Variants in IL1RAPL1 observed in about 807,000 individuals in gnomAD.
The protein encoded by IL1RAPL1 is interleukin-1 receptor accessory protein-like 1.
Under a neutral mutation model 48.4 loss-of-function variants are expected in IL1RAPL1, and 3 were observed. The ratio of observed to expected loss-of-function variants is 0.06; its 90% CI spans 0.03 to 0.16. The LOEUF (loss-of-function observed/expected upper bound fraction) is 0.16. IL1RAPL1 is among the 10% of genes least tolerant of loss of function. The pLI, the probability that IL1RAPL1 is intolerant of heterozygous loss-of-function variation, is 1.00. For synonymous variants in IL1RAPL1, 185 were observed against 187.7 expected, an observed-to-expected ratio of 0.99 and a Z score of 0.12; for missense variants, 349 against 530.6, an observed-to-expected ratio of 0.66 and a Z score of 3.36.
intron 1 of IL1RAPL1, among the ~76,000 whole-genome samples, chrX:28,603,940 T>TGCCAAGC (rs770478072): frequency 4.4e-5 from 5 of 112,487 alleles, no homozygotes; most frequent in Middle Eastern, 4.6e-3. Flanking sequence ...AATGCCAGAA[T>TGCCAAGC]GCCAAGCTGA....
intron 6 of IL1RAPL1, among the ~76,000 whole-genome samples, chrX:29,742,756 G>T (rs1379381178): frequency 8.9e-6 from 1 of 111,902 alleles, no homozygotes; most frequent in Admixed American, 9.5e-5. Context: ...GCTCTTTGAT[G>T]ATTAATAATA....
chrX:29,068,866 A>G (rs1452988772), intron 2 of IL1RAPL1, among the ~76,000 whole-genome samples: 2 of 112,129 alleles, frequency 1.8e-5, no homozygotes, highest in Non-Finnish European at 3.8e-5. Flanking sequence ...CTTTAGAACA[A>G]TAACTCTGGC....
intron 2 of IL1RAPL1, among the ~76,000 whole-genome samples, chrX:29,263,746 G>C (rs1157954145): frequency 9.1e-6 from 1 of 110,325 alleles, no homozygotes; most frequent in African/African-American, 3.3e-5. Flanking sequence ...AGTCCAGGGA[G>C]TAAGTACTTG....
chrX:28,943,904 T>C (rs1432052878), intron 2 of IL1RAPL1, among the ~76,000 whole-genome samples: 1 of 111,082 alleles, frequency 9.0e-6, no homozygotes, highest in Non-Finnish European at 1.9e-5. Flanking sequence ...CACCTCAACA[T>C]AGATTTGTAA....
At chrX:28,790,825 G>A (rs928186899) in intron 2 of IL1RAPL1, among the ~76,000 whole-genome samples, 2 of 111,710 alleles carry the variant, frequency 1.8e-5, no homozygotes, top group African/African-American at 6.5e-5. Context: ...CTATGCTCAA[G>A]TACAATTGAG....
rs190406816 is a variant in IL1RAPL1 at position 29,504,943 on chromosome X, G to T, written c.703+105635G>T. On this transcript the variant is annotated intron_variant, in intron 5 of 10. Transcript: ENST00000378993. ...TCCTATTGTCTTCCTTTATGGTTAA[G>T]TGATTTTTCTCTGGTAGTATGTTTT... Among the ~76,000 whole-genome samples the T allele has an allele frequency of 2.7e-5, 3 of 111,612 alleles. No individual in the cohort carries two copies. The Admixed American group carries it at 2.9e-4, about 11-fold the overall frequency.
chrX:29,021,802 G>A (rs1926376378), intron 2 of IL1RAPL1, among the ~76,000 whole-genome samples: 2 of 111,663 alleles, frequency 1.8e-5, no homozygotes, highest in African/African-American at 6.5e-5. Context: ...TTTCATGTAT[G>A]TTTTCAGCTT....
intron 6 of IL1RAPL1, among the ~76,000 whole-genome samples, chrX:29,736,925 A>C (rs1241537972): frequency 8.9e-6 from 1 of 111,897 alleles, no homozygotes; most frequent in Non-Finnish European, 1.9e-5. Context: ...CTGCATAAGA[A>C]GATAAAACTA....
chrX:29,269,958 C>T (rs1484312466), intron 2 of IL1RAPL1, among the ~76,000 whole-genome samples: 1 of 110,900 alleles, frequency 9.0e-6, no homozygotes. Context: ...ATCACTGACT[C>T]GCTTTCTGCC....
intron 1 of IL1RAPL1, among the ~76,000 whole-genome samples, chrX:28,727,897 A>G (rs940454255): frequency 5.6e-5 from 6 of 107,897 alleles, no homozygotes; most frequent in Non-Finnish European, 1.2e-4. Flanking sequence ...AGGAAGGGGA[A>G]CATCACACTC....
At chrX:28,737,114 TTTCCTTCC>T (rs546731314) in intron 1 of IL1RAPL1, among the ~76,000 whole-genome samples, 2,467 of 35,913 alleles carry the variant, frequency 0.069, 72 homozygotes, top group Middle Eastern at 0.12. Flanking sequence ...TTTCTCTTCT[TTTCCTTCC>T]TTCCTTCCTT....
intron 1 of IL1RAPL1, among the ~76,000 whole-genome samples, chrX:28,768,868 G>C (rs1206635252): frequency 3.1e-5 from 3 of 95,682 alleles, no homozygotes; most frequent in African/African-American, 1.1e-4. Context: ...CTAACTATAA[G>C]AGCTATACTT....
At chrX:29,020,802 C>T (rs1483599526) in intron 2 of IL1RAPL1, among the ~76,000 whole-genome samples, 1 of 112,004 alleles carries the variant, frequency 8.9e-6, no homozygotes, top group Non-Finnish European at 1.9e-5. Context: ...AGTCATTCTT[C>T]TCCTAAATAA....
intron 2 of IL1RAPL1, among the ~76,000 whole-genome samples, chrX:29,220,130 C>G (rs1038398761): frequency 9.0e-6 from 1 of 111,506 alleles, no homozygotes; most frequent in Non-Finnish European, 1.9e-5. Flanking sequence ...AATTTAACAA[C>G]TAAATTAATT....
At chrX:29,104,079 T>A (rs1224196806) in intron 2 of IL1RAPL1, among the ~76,000 whole-genome samples, 2 of 111,593 alleles carry the variant, frequency 1.8e-5, no homozygotes, top group Admixed American at 9.6e-5. Flanking sequence ...CTCGAAAAAC[T>A]AAAAATAGAA....
chrX:28,639,006 G>T lies in IL1RAPL1; in HGVS notation c.-25+50959G>T, dbSNP rs545679731. On this transcript the variant is annotated intron_variant, in intron 1 of 10. Coordinates refer to ENST00000378993, the MANE Select transcript of IL1RAPL1 (RefSeq NM_014271.4). Reference sequence around the variant, plus strand: ...TGAATATATTCTCTTATTGCTGGCTGTGTGACCACAGACAAGTTACATAAA... The same window carrying T: ...TGAATATATTCTCTTATTGCTGGCTTTGTGACCACAGACAAGTTACATAAA... 2.9e-4 allele frequency among the ~76,000 whole-genome samples: 33 copies of T among 111,907 alleles called. No homozygotes were observed. The South Asian group carries it at 0.012, about 42-fold the overall frequency.
In IL1RAPL1 at chrX:29,841,203, A is replaced by G. The variant is rs111956081; in HGVS notation, c.779-76261A>G. Reference sequence around the variant, plus strand: ...TAACAATGCTTTACAGAGTACATGTATATTTAATCATAGAAGCTCAAGTAT... The same window carrying G: ...TAACAATGCTTTACAGAGTACATGTGTATTTAATCATAGAAGCTCAAGTAT... On this transcript the variant is annotated intron_variant, in intron 6 of 10. Transcript: ENST00000378993. 5.3e-3 allele frequency among the ~76,000 whole-genome samples: 596 copies of G among 112,219 alleles called. 3 individuals are homozygous for G. Among genetic ancestry groups the G allele is most frequent in the African/African-American group, 0.018 (572 of 30,976 alleles).
At chrX:28,838,286 G>A (rs1389089720) in intron 2 of IL1RAPL1, among the ~76,000 whole-genome samples, 1 of 111,047 alleles carries the variant, frequency 9.0e-6, no homozygotes, top group Non-Finnish European at 1.9e-5. Context: ...ATATTCTTTT[G>A]ACAGTAAGTA....
At chrX:29,063,922 G>T (rs746758193) in intron 2 of IL1RAPL1, among the ~76,000 whole-genome samples, 4 of 111,266 alleles carry the variant, frequency 3.6e-5, no homozygotes, top group South Asian at 7.6e-4. Context: ...TTACTCTATG[G>T]GCCTATTTCC....
Sources: gnomAD v4.1 joint callset for allele counts (sites outside exome capture counted in the v4.1 genomes callset) on GRCh38, gnomAD v4.1.1 for gene constraint, MANE v1.5 for transcripts, NCBI Gene and HGNC (gene_info 2026-07-23, HGNC 2026-07-21) for gene names.